IL1RAPL1: variants seen among roughly 807,000 people sequenced by gnomAD.
IL1RAPL1 encodes the protein interleukin-1 receptor accessory protein-like 1.
In IL1RAPL1, 3 loss-of-function variants were observed where a neutral mutation model predicts 48.4. That is an observed-to-expected ratio of 0.06 (90% CI 0.03 to 0.16). The LOEUF (loss-of-function observed/expected upper bound fraction) is 0.16, where lower values mean the gene tolerates loss of function less well. IL1RAPL1 is among the 10% of genes least tolerant of loss of function. The probability of loss-of-function intolerance (pLI) is 1.00; values close to 1 mark genes in which losing one functional copy is unlikely to be tolerated. For missense variants in IL1RAPL1, 349 were observed against 530.6 expected (o/e 0.66, Z 3.36); for synonymous variants, 185 against 187.7 (o/e 0.99, Z 0.12).
chrX:29,508,046 A>G (rs964303769), intron 5 of IL1RAPL1, among the ~76,000 whole-genome samples: 40 of 111,776 alleles, frequency 3.6e-4, no homozygotes, highest in African/African-American at 1.2e-3. Context: ...CACATGACAG[A>G]TAACAATTTT....
At chrX:28,959,379 A>T (rs1188876464) in intron 2 of IL1RAPL1, among the ~76,000 whole-genome samples, 3 of 111,325 alleles carry the variant, frequency 2.7e-5, no homozygotes, top group African/African-American at 9.8e-5. Context: ...ATTCATTGGA[A>T]TGTAGTTAAT....
At chrX:28,657,722 A>T (rs977447895) in intron 1 of IL1RAPL1, among the ~76,000 whole-genome samples, 2 of 112,073 alleles carry the variant, frequency 1.8e-5, no homozygotes, top group Non-Finnish European at 3.8e-5. Context: ...TACAATTTTG[A>T]TGTGCATCCA....
intron 6 of IL1RAPL1, among the ~76,000 whole-genome samples, chrX:29,884,667 G>A (rs1387235118): frequency 9.0e-6 from 1 of 110,813 alleles, no homozygotes; most frequent in Non-Finnish European, 1.9e-5. Context: ...CTGTCTATCC[G>A]TCTCTGCTGG....
At chrX:28,723,293 G>T (rs140644396) in intron 1 of IL1RAPL1, among the ~76,000 whole-genome samples, 1,559 of 110,774 alleles carry the variant, frequency 0.014, 73 homozygotes, top group Admixed American at 0.13. Context: ...TCTATTCAGG[G>T]ATTCAACTTC....
intron 2 of IL1RAPL1, among the ~76,000 whole-genome samples, chrX:29,264,650 G>A (rs184741429): frequency 9.1e-6 from 1 of 110,118 alleles, no homozygotes; most frequent in African/African-American, 3.3e-5. Context: ...ATATAAATTT[G>A]TTTTTACTAT....
chrX:29,079,024 C>G (rs1453576075), intron 2 of IL1RAPL1, among the ~76,000 whole-genome samples: 1 of 112,088 alleles, frequency 8.9e-6, no homozygotes, highest in Non-Finnish European at 1.9e-5. Flanking sequence ...TACTTTCACA[C>G]AATAAAGTAC....
chrX:29,615,010 C>G (rs752375610), intron 5 of IL1RAPL1, among the ~76,000 whole-genome samples: 7 of 111,012 alleles, frequency 6.3e-5, no homozygotes, highest in Non-Finnish European at 1.1e-4. Flanking sequence ...TCAAAGTTCT[C>G]AGAATTCTAA....
chrX:28,867,787 C>T (rs1922113745), intron 2 of IL1RAPL1, among the ~76,000 whole-genome samples: 2 of 110,626 alleles, frequency 1.8e-5, no homozygotes, highest in African/African-American at 6.6e-5. Flanking sequence ...AAGGAGATTC[C>T]ACAATTTCCT....
chrX:28,957,710 C>T (rs1334390266), intron 2 of IL1RAPL1, among the ~76,000 whole-genome samples: 2 of 109,225 alleles, frequency 1.8e-5, no homozygotes, highest in African/African-American at 6.7e-5. Context: ...GCCTGTAATC[C>T]CAGCACTTTG....
intron 2 of IL1RAPL1, among the ~76,000 whole-genome samples, chrX:28,869,056 T>C (rs1601938337): frequency 8.9e-6 from 1 of 112,928 alleles, no homozygotes; most frequent in East Asian, 2.8e-4. Context: ...GGAGAATTTA[T>C]TAATTTATGC....
intron 2 of IL1RAPL1, among the ~76,000 whole-genome samples, chrX:29,035,143 C>T (rs888649581): frequency 9.0e-6 from 1 of 111,469 alleles, no homozygotes; most frequent in Non-Finnish European, 1.9e-5. Context: ...TTTAGTAGGA[C>T]GGGGTTTCAC....
intron 3 of IL1RAPL1, among the ~76,000 whole-genome samples, chrX:29,286,636 C>T (rs1932287163): frequency 8.9e-6 from 1 of 112,025 alleles, no homozygotes. Context: ...CTGCAGTGAG[C>T]TATGATCACA....
rs1048581789 is a variant in IL1RAPL1, at chrX:29,706,090, G to A, written c.778+37586G>A. On this transcript the variant is annotated intron_variant, in intron 6 of 10. Transcript: ENST00000378993. ...AGAGAGCTGGTGCAGAGAAACTCCC[G>A]TTTTTAAAACCATCGGATCTTGTGA... 6.0e-4 allele frequency among the ~76,000 whole-genome samples: 67 copies of A among 111,334 alleles called. 1 individual carries two copies. The highest frequency in any genetic ancestry group is 2.1e-3 in the African/African-American group (63 of 30,680).
At chrX:28,805,226 A>C (rs1203452022) in intron 2 of IL1RAPL1, among the ~76,000 whole-genome samples, 1 of 111,268 alleles carries the variant, frequency 9.0e-6, no homozygotes, top group Non-Finnish European at 1.9e-5. Flanking sequence ...AAGTAATAAA[A>C]ACTAGCAGGT....
chrX:29,480,567 A>G (rs1330367762), intron 5 of IL1RAPL1, among the ~76,000 whole-genome samples: 1 of 110,433 alleles, frequency 9.1e-6, no homozygotes, highest in Non-Finnish European at 1.9e-5. Context: ...CAACCATAAT[A>G]ATATATGTAA....
At chrX:29,740,143 A>C (rs201355581) in intron 6 of IL1RAPL1, among the ~76,000 whole-genome samples, 199 of 104,974 alleles carry the variant, frequency 1.9e-3, no homozygotes, top group African/African-American at 6.0e-3. Flanking sequence ...AAAAAAAAAG[A>C]AGCAGCAGCA....
intron 2 of IL1RAPL1, among the ~76,000 whole-genome samples, chrX:28,935,864 T>C (rs1009070786): frequency 8.9e-6 from 1 of 112,002 alleles, no homozygotes; most frequent in Non-Finnish European, 1.9e-5. Flanking sequence ...ACTATAGTGA[T>C]CTTGTGAGTC....
chrX:29,170,283 C>A (rs1020125742), intron 2 of IL1RAPL1, among the ~76,000 whole-genome samples: 2 of 111,511 alleles, frequency 1.8e-5, no homozygotes, highest in Non-Finnish European at 3.8e-5. Flanking sequence ...ACAGCCAATA[C>A]TTCTTGGATT....
chrX:29,333,379 G>C (rs1932912737), intron 3 of IL1RAPL1, among the ~76,000 whole-genome samples: 1 of 106,386 alleles, frequency 9.4e-6, no homozygotes, highest in Non-Finnish European at 2.0e-5. Context: ...CTCACCTCCT[G>C]GATAGGGCGG....
Sources: allele counts gnomAD v4.1 joint callset (sites outside exome capture counted in the v4.1 genomes callset), GRCh38; gene constraint gnomAD v4.1.1; transcripts MANE v1.5; gene names NCBI Gene and HGNC (gene_info 2026-07-23, HGNC 2026-07-21).